Variants in ABHD17B observed in about 807,000 individuals in gnomAD.
ABHD17B encodes the protein abhydrolase domain containing 17B, depalmitoylase.
A neutral mutation model predicts 26.2 loss-of-function variants in ABHD17B; 9 were observed. That is an observed-to-expected ratio of 0.34 (90% CI 0.21 to 0.60). ABHD17B has a LOEUF of 0.60. Among genes scored for constraint, ABHD17B ranks in the 20% least tolerant of loss-of-function variants. The probability of loss-of-function intolerance (pLI) is 0.80; values close to 1 mark genes in which losing one functional copy is unlikely to be tolerated. For synonymous variants in ABHD17B, 127 were observed against 122.3 expected (o/e 1.04, Z -0.25); for missense variants, 224 against 352.1 (o/e 0.64, Z 2.91).
At chr9:71,906,079 T>C (rs1265010447) in intron 1 of ABHD17B, among the ~76,000 whole-genome samples, 1 of 151,732 alleles carries the variant, frequency 6.6e-6, no homozygotes, top group Non-Finnish European at 1.5e-5. Flanking sequence ...AGTAAGTAAA[T>C]AAACAAATAG....
In ABHD17B at chr9:71,874,786, C is replaced by T. The variant is rs1350303747; in HGVS notation, c.295G>A (p.Gly99Arg). 1 of 1,614,078 alleles carries T rather than the reference C, an allele frequency of 6.2e-7. No individual in the cohort carries two copies. Among genetic ancestry groups the T allele is most frequent in the Admixed American group, 1.7e-5 (1 of 60,006 alleles). ...ATTTGACCAAGATCAACAGCATTTC[C>T]ATGTGAGAAGAGTAAAGTGTATTTC... is the stretch of plus-strand genomic sequence containing the variant. ...NAKYTLLFSH[G>R]NAVDLGQMSS... Residue 99 changes from glycine (G) to arginine (R), a missense_variant, in exon 2 of 4, where the codon GGA becomes AGA. By Grantham distance (125) the Gly-to-Arg change is moderately radical (BLOSUM62 -2). Coordinates refer to ENST00000333421, the MANE Select transcript of ABHD17B (RefSeq NM_001025780.3).
chr9:71,894,151 T>C (rs1405249016), intron 1 of ABHD17B, among the ~76,000 whole-genome samples: 1 of 149,480 alleles, frequency 6.7e-6, no homozygotes, highest in East Asian at 1.9e-4. Context: ...TTCTAAGGAT[T>C]GTTGGAGTTG....
At chr9:71,900,198 T>C (rs1489705356) in intron 1 of ABHD17B, among the ~76,000 whole-genome samples, 1 of 152,202 alleles carries the variant, frequency 6.6e-6, no homozygotes, top group Non-Finnish European at 1.5e-5. Context: ...TTATATAGAA[T>C]AAGAAAACAG....
chr9:71,904,300 C>A (rs1827222655), intron 1 of ABHD17B, among the ~76,000 whole-genome samples: 1 of 152,174 alleles, frequency 6.6e-6, no homozygotes, highest in African/African-American at 2.4e-5. Flanking sequence ...CCTCCCATTC[C>A]CAGAATAGTG....
At chr9:71,863,084 G>A (rs1234372492), downstream of ABHD17B, among the ~76,000 whole-genome samples, 2 of 151,950 alleles carry the variant, frequency 1.3e-5, no homozygotes, top group Non-Finnish European at 2.9e-5. Context: ...GGAAAAGTAT[G>A]AAGATGACAA....
At position 71,866,343 on chromosome 9, in the gene ABHD17B, A is replaced by G. The variant is rs1385363479; in HGVS notation, c.*444T>C. 1 of 989,124 alleles carries G rather than the reference A, an allele frequency of 1.0e-6. No individual in the cohort carries two copies. The highest frequency in any genetic ancestry group is 1.2e-6 in the Non-Finnish European group (1 of 829,690). 61.3% of individuals were successfully genotyped at this position (989,124 alleles called of 1,614,324 possible). On this transcript the variant is annotated 3_prime_UTR_variant, in exon 4 of 4. Coordinates refer to ENST00000333421, the MANE Select transcript of ABHD17B (RefSeq NM_001025780.3). The stretch of plus-strand genomic sequence containing the variant: ...TTGCATGGTTTTAAATCTCTTTTAC[A>G]GTTCATTCCATTATGAGTACTTAAA...
intron 1 of ABHD17B, among the ~76,000 whole-genome samples, chr9:71,879,024 T>C (rs942541433): frequency 1.2e-4 from 19 of 152,116 alleles, no homozygotes; most frequent in Non-Finnish European, 2.2e-4. Context: ...GGCATGGTAG[T>C]GTGTGCCTGT....
At chr9:71,873,759 T>A (rs1164656387) in intron 2 of ABHD17B, among the ~76,000 whole-genome samples, 1 of 151,748 alleles carries the variant, frequency 6.6e-6, no homozygotes, top group Non-Finnish European at 1.5e-5. Context: ...GGTCTCGAAC[T>A]CCTGACCTTG....
intron 1 of ABHD17B, among the ~76,000 whole-genome samples, chr9:71,897,433 C>T (rs1047049829): frequency 9.2e-5 from 14 of 152,150 alleles, no homozygotes; most frequent in African/African-American, 2.9e-4. Flanking sequence ...GGGAGGAGTA[C>T]CTGAGCCCAG....
chr9:71,873,546 C>T (rs576143517), intron 2 of ABHD17B, among the ~76,000 whole-genome samples: 2 of 151,984 alleles, frequency 1.3e-5, no homozygotes, highest in Non-Finnish European at 2.9e-5. Flanking sequence ...TACAGGCACC[C>T]GCCACTGTGC....
chr9:71,871,726 A>G (rs1826120026), intron 2 of ABHD17B, among the ~76,000 whole-genome samples: 1 of 152,242 alleles, frequency 6.6e-6, no homozygotes. Flanking sequence ...TCTAGAGTCC[A>G]GCTGCCTAAT....
At chr9:71,908,830 G>A (rs1827361539) in intron 1 of ABHD17B, among the ~76,000 whole-genome samples, 1 of 152,096 alleles carries the variant, frequency 6.6e-6, no homozygotes, top group Admixed American at 6.5e-5. Context: ...TGCTTACATG[G>A]TTCTCACTCC....
intron 1 of ABHD17B, among the ~76,000 whole-genome samples, chr9:71,898,612 C>T (rs1185047071): frequency 1.3e-5 from 2 of 152,156 alleles, no homozygotes; most frequent in Non-Finnish European, 1.5e-5. Context: ...GCACTCCAGC[C>T]TGGGCAACAA....
At position 71,866,168 on chromosome 9, in the gene ABHD17B, T is replaced by C; in HGVS notation, c.*619A>G. The C allele has an allele frequency of 1.0e-6, 1 of 984,238 alleles. No homozygotes were observed. The allele number at this position is 984,238 out of a possible 1,614,324, so 61.0% of individuals were successfully genotyped here. A position where few individuals can be genotyped will look rare whatever the true frequency, so the allele number is the denominator to read the frequency against. ...ATTTACAAGGTAACTCATTGGTAAA[T>C]TAATAGATGGCATAAAAATTAAGAT... On this transcript the variant is annotated 3_prime_UTR_variant, in exon 4 of 4. Transcript: ENST00000333421.
At chr9:71,889,157 A>C (rs1826702266) in intron 1 of ABHD17B, among the ~76,000 whole-genome samples, 1 of 151,866 alleles carries the variant, frequency 6.6e-6, no homozygotes, top group South Asian at 2.1e-4. Flanking sequence ...TCTACCAAAA[A>C]TACAAAAAAA....
At position 71,866,043 on chromosome 9, in the gene ABHD17B, T is replaced by G; in HGVS notation, c.*744A>C. The G allele has an allele frequency of 1.0e-6, 1 of 985,444 alleles. No individual in the cohort carries two copies. The highest frequency in any genetic ancestry group is 1.2e-6 in the Non-Finnish European group (1 of 829,920). The allele number at this position is 985,444 out of a possible 1,614,324, so 61.0% of individuals were successfully genotyped here. On this transcript the variant is annotated 3_prime_UTR_variant, in exon 4 of 4. Coordinates refer to ENST00000333421, the MANE Select transcript of ABHD17B (RefSeq NM_001025780.3). ...CAAAATCATTCTTGAAATCTCTAAATGCCTTTTAAGTAACCAGCATGAAAA... is the reference window on the plus strand; with the variant it reads ...CAAAATCATTCTTGAAATCTCTAAAGGCCTTTTAAGTAACCAGCATGAAAA...
chr9:71,866,627 G>A lies in ABHD17B; in HGVS notation c.*160C>T. ...CTGTTATTTCCAGTTTTTAGTTCTG[G>A]TAATTAAAACCTTCATTAAGTCTGT... On this transcript the variant is annotated 3_prime_UTR_variant, in exon 4 of 4. Transcript: ENST00000333421. 7.0e-7 allele frequency: 1 copy of A among 1,437,828 alleles called. No individual in the cohort carries two copies. The highest frequency in any genetic ancestry group is 9.1e-7 in the Non-Finnish European group (1 of 1,101,274). 89.1% of individuals were successfully genotyped at this position (1,437,828 alleles called of 1,614,324 possible).
In ABHD17B at chr9:71,882,103, A is replaced by G. The variant is rs372782877; in HGVS notation, c.-3-7020T>C. The stretch of plus-strand genomic sequence containing the variant: ...TTAAGATAGCTATAATCAAAAAGAC[A>G]TAATAATAAAGGTTATTTGGCAGGT... On this transcript the variant is annotated intron_variant, in intron 1 of 3. Coordinates refer to ENST00000333421, the MANE Select transcript of ABHD17B (RefSeq NM_001025780.3). 1.5e-4 allele frequency among the ~76,000 whole-genome samples: 23 copies of G among 152,356 alleles called. 1 individual carries two copies. The highest frequency in any genetic ancestry group is 7.2e-4 in the Admixed American group (11 of 15,300).
chr9:71,866,326 T>A lies in ABHD17B; in HGVS notation c.*461A>T. ...GGTTAATTCTAGTGAACTTGCATGG[T>A]TTTAAATCTCTTTTACAGTTCATTC... On this transcript the variant is annotated 3_prime_UTR_variant, in exon 4 of 4. Transcript: ENST00000333421. 1 of 990,720 alleles carries A rather than the reference T, an allele frequency of 1.0e-6. No individual in the cohort carries two copies. Among genetic ancestry groups the A allele is most frequent in the Non-Finnish European group, 1.2e-6 (1 of 831,938 alleles). The allele number at this position is 990,720 out of a possible 1,614,324, so 61.4% of individuals were successfully genotyped here.
Sources: gnomAD v4.1 joint callset for allele counts (sites outside exome capture counted in the v4.1 genomes callset) on GRCh38, gnomAD v4.1.1 for gene constraint, MANE v1.5 for transcripts, NCBI Gene and HGNC (gene_info 2026-07-23, HGNC 2026-07-21) for gene names.